The following RBM33 variants were observed in gnomAD, a reference collection of about 807,000 sequenced individuals.
The protein encoded by RBM33 is RNA binding motif protein 33, also known as RNA-binding protein 33.
Under a neutral mutation model 132.6 loss-of-function variants are expected in RBM33, and 28 were observed. That is an observed-to-expected ratio of 0.21 (90% CI 0.16 to 0.29). The LOEUF (loss-of-function observed/expected upper bound fraction) is 0.29. Among genes scored for constraint, RBM33 ranks in the 10% least tolerant of loss-of-function variants. The pLI, the probability that RBM33 is intolerant of heterozygous loss-of-function variation, is 1.00. For missense variants in RBM33, 1,291 were observed against 1,518.5 expected (o/e 0.85, Z 2.49); for synonymous variants, 634 against 593.0 (o/e 1.07, Z -1.01).
intron 5 of RBM33, among the ~76,000 whole-genome samples, chr7:155,689,343 T>C (rs1399142881): frequency 6.6e-6 from 1 of 152,192 alleles, no homozygotes; most frequent in Non-Finnish European, 1.5e-5. Flanking sequence ...TTTTATTGCG[T>C]CTATTTGATT....
At chr7:155,760,659 G>A (rs1312358210) in intron 14 of RBM33, among the ~76,000 whole-genome samples, 4 of 152,192 alleles carry the variant, frequency 2.6e-5, no homozygotes, top group African/African-American at 9.7e-5. Context: ...AAAGATGAGG[G>A]TATGTGGTAT....
At chr7:155,645,460 G>GT (rs1214664893) in intron 1 of RBM33, among the ~76,000 whole-genome samples, 1 of 152,224 alleles carries the variant, frequency 6.6e-6, no homozygotes, top group East Asian at 1.9e-4. Flanking sequence ...ATAAATCCCT[G>GT]TTTTAAATTA....
chr7:155,727,220 A>AAGGGCAGAAGGTGC (rs1372042657), intron 9 of RBM33, among the ~76,000 whole-genome samples: 2 of 152,210 alleles, frequency 1.3e-5, no homozygotes, highest in Admixed American at 1.3e-4. Context: ...GAGGAGGGGC[A>AAGGGCAGAAGGTGC]AGGGCAGAAG....
chr7:155,712,292 A>C (rs1478160543), intron 8 of RBM33, among the ~76,000 whole-genome samples: 2 of 152,186 alleles, frequency 1.3e-5, no homozygotes, highest in Non-Finnish European at 2.9e-5. Flanking sequence ...CATGTTCCTT[A>C]AGCTAGGAAA....
rs201507798 is a variant in RBM33 at position 155,718,423 on chromosome 7, G to A, written c.1240G>A (p.Val414Met). 2.5e-6 allele frequency: 4 copies of A among 1,613,780 alleles called. No homozygotes were observed. Among genetic ancestry groups the A allele is most frequent in the Middle Eastern group, 1.6e-4 (1 of 6,062 alleles). Residue 414 changes from valine to methionine, a missense_variant, in exon 9 of 18, where the codon GTG becomes ATG. This residue lies in a region of RBM33 where 841 missense variants were observed against 912.0 expected (regional missense o/e 0.92). Coordinates refer to ENST00000401878, the MANE Select transcript of RBM33 (RefSeq NM_053043.3). Reference sequence around the variant, plus strand: ...AGTTCCGAGCCAGCCGAGACCTGCCGTGGGACCCCAGAGATTCCCAGTGAG... The same window carrying A: ...AGTTCCGAGCCAGCCGAGACCTGCCATGGGACCCCAGAGATTCCCAGTGAG... ...LPVPSQPRPA[V>M]GPQRFPGPPE...
Position 155,774,037 on chromosome 7 carries a change from T to C in RBM33, c.3376-522T>C, listed in dbSNP as rs923084106. ...ACAAAATGTGACCACGTTATGCTGATGTCTGCCCCAGGCACCACTGCCCTC... is the reference window on the plus strand; with the variant it reads ...ACAAAATGTGACCACGTTATGCTGACGTCTGCCCCAGGCACCACTGCCCTC... On this transcript the variant is annotated intron_variant, in intron 16 of 17. Coordinates refer to ENST00000401878, the MANE Select transcript of RBM33 (RefSeq NM_053043.3). The surrounding 1 kb of genome is among the most constrained non-coding windows in gnomAD (Gnocchi z 4.2). Among the ~76,000 whole-genome samples the C allele has an allele frequency of 2.0e-5, 3 of 152,254 alleles. No individual in the cohort carries two copies. Among genetic ancestry groups the C allele is most frequent in the African/African-American group, 7.2e-5 (3 of 41,470 alleles).
intron 3 of RBM33, among the ~76,000 whole-genome samples, chr7:155,673,940 G>GTTGTTGTTGTTTTTTT: frequency 1.8e-5 from 1 of 54,214 alleles, no homozygotes; most frequent in African/African-American, 8.3e-5. Context: ...TTTAGGCTTA[G>GTTGTTGTTGTTTTTTT]TTTTTTTTTT....
chr7:155,673,966 T>G (rs1799102527), intron 3 of RBM33, among the ~76,000 whole-genome samples: 1 of 131,084 alleles, frequency 7.6e-6, no homozygotes, highest in African/African-American at 2.9e-5. Context: ...TTTTTTTTTT[T>G]TTTTTTGAGA....
intron 16 of RBM33, 161 bp downstream of exon 16, chr7:155,766,816 C>T: frequency 1.4e-6 from 1 of 692,304 alleles, no homozygotes; most frequent in Non-Finnish European, 2.4e-6. Context: ...AGTATCAGAA[C>T]ATTTGCCTCA....
intron 1 of RBM33, among the ~76,000 whole-genome samples, chr7:155,653,078 A>AT (rs796832261): frequency 1.3e-4 from 20 of 151,412 alleles, no homozygotes; most frequent in African/African-American, 3.4e-4. Flanking sequence ...TATCTATACT[A>AT]TTTTTTTTTA....
At chr7:155,734,108 T>C (rs1231347197) in intron 9 of RBM33, among the ~76,000 whole-genome samples, 1 of 152,200 alleles carries the variant, frequency 6.6e-6, no homozygotes, top group Non-Finnish European at 1.5e-5. Flanking sequence ...CCAGTTTGTC[T>C]TTCAACTGGT....
Position 155,763,971 on chromosome 7 carries a change from G to C in RBM33, c.3139G>C (p.Val1047Leu). ...LPAGPHAHSP[V>L]PPGIKSIQGI... The stretch of plus-strand genomic sequence containing the variant: ...AGCGGGGCCCCACGCACACTCGCCT[G>C]TCCCTCCAGGGATCAAAAGCATCCA... The change falls in exon 15 of 18, where the codon GTC becomes CTC. Residue 1047 changes from valine to leucine, a missense_variant. By Grantham distance (32) the Val-to-Leu change is conservative (BLOSUM62 1). This residue lies in a region of RBM33 where 841 missense variants were observed against 912.0 expected (regional missense o/e 0.92). Transcript: ENST00000401878. 1 of 1,592,860 alleles carries C rather than the reference G, an allele frequency of 6.3e-7. No homozygotes were observed. The highest frequency in any genetic ancestry group is 8.5e-7 in the Non-Finnish European group (1 of 1,169,688).
chr7:155,711,090 A>C, intron 7 of RBM33, 113 bp from the exon 8 acceptor site: 1 of 1,368,004 alleles, frequency 7.3e-7, no homozygotes, highest in Non-Finnish European at 9.5e-7. Flanking sequence ...TAAAAAATGC[A>C]ATCAGTGTAA....
rs892781260 is a variant in RBM33 at position 155,775,930 on chromosome 7, G to A, written c.*889G>A. ...GCTCTGTGATACATGACATTCTTTGGGAATTTGGTGGCCACTGCTTCAGTC... is the reference window on the plus strand; with the variant it reads ...GCTCTGTGATACATGACATTCTTTGAGAATTTGGTGGCCACTGCTTCAGTC... On this transcript the variant is annotated 3_prime_UTR_variant, in exon 18 of 18. Coordinates refer to ENST00000401878, the MANE Select transcript of RBM33 (RefSeq NM_053043.3). 2.0e-5 allele frequency: 3 copies of A among 152,196 alleles called. No homozygotes were observed. Among genetic ancestry groups the A allele is most frequent in the African/African-American group, 7.2e-5 (3 of 41,432 alleles). 9.4% of individuals were successfully genotyped at this position (152,196 alleles called of 1,614,324 possible).
In RBM33 at chr7:155,672,103, A is replaced by T. The variant is rs980043934; in HGVS notation, c.123-764A>T. ...ATGTTCTCGTTCGTTTTTAAAATTT[A>T]TTTTTTTTTTCAGTTTCTTTTGGTT... On this transcript the variant is annotated intron_variant, in intron 2 of 17. Coordinates refer to ENST00000401878, the MANE Select transcript of RBM33 (RefSeq NM_053043.3). Among the ~76,000 whole-genome samples the T allele has an allele frequency of 2.6e-4, 39 of 149,106 alleles. 1 individual carries two copies. The highest frequency in any genetic ancestry group is 9.3e-4 in the African/African-American group (38 of 40,668).
chr7:155,728,696 C>T (rs539016864), intron 9 of RBM33, among the ~76,000 whole-genome samples: 3 of 152,222 alleles, frequency 2.0e-5, no homozygotes, highest in Non-Finnish European at 2.9e-5. Context: ...CTGAAACACA[C>T]GTAGACTTGC....
rs115772898 is a variant in RBM33 at position 155,741,853 on chromosome 7, T to C, written c.2084T>C (p.Met695Thr). The change falls in exon 13 of 18, where the codon ATG becomes ACG. Residue 695 changes from methionine (M) to threonine (T), a missense_variant. By Grantham distance (81) the Met-to-Thr change is moderately conservative. Transcript: ENST00000401878. ...TCTCAGAATGTAAGCAAGCGGCCCA[T>C]GCAGCAAATGCAGCCCACTGCGCCA... ...TTSQNVSKRP[M>T]QQMQPTAPRN... 7.3e-4 allele frequency: 1,182 copies of C among 1,613,360 alleles called. 8 individuals carry two copies. In the African/African-American group the frequency reaches 0.014, roughly 20 times the overall value.
At chr7:155,649,936 G>A (rs1382734341) in intron 1 of RBM33, among the ~76,000 whole-genome samples, 1 of 152,158 alleles carries the variant, frequency 6.6e-6, no homozygotes, top group Admixed American at 6.5e-5. Flanking sequence ...TAAATCTAGG[G>A]TTCTTTCAAG....
At chr7:155,772,367 GAT>G (rs1802459814) in intron 16 of RBM33, among the ~76,000 whole-genome samples, 1 of 152,236 alleles carries the variant, frequency 6.6e-6, no homozygotes, top group African/African-American at 2.4e-5. Context: ...GAACAGAACA[GAT>G]AGGATTTTCT....
Sources: gnomAD v4.1 joint callset for allele counts (sites outside exome capture counted in the v4.1 genomes callset) on GRCh38, gnomAD v4.1.1 for gene constraint, gnomAD v4.1.1 regional missense constraint, Gnocchi (gnomAD v3.1) non-coding constraint, MANE v1.5 for transcripts, NCBI Gene and HGNC (gene_info 2026-07-23, HGNC 2026-07-21) for gene names.